Variants in KANSL1 observed in about 807,000 individuals in gnomAD.
KANSL1 encodes MLL1/MLL complex subunit KANSL1.
In KANSL1, 22 loss-of-function variants were observed where a neutral mutation model predicts 103.6. That is an observed-to-expected ratio of 0.21 (90% CI 0.15 to 0.30). The LOEUF is 0.30. Among genes scored for constraint, KANSL1 ranks in the 10% least tolerant of loss-of-function variants. KANSL1 has a pLI of 1.00. For missense variants in KANSL1, 1,337 were observed against 1,399.8 expected (o/e 0.96, Z 0.72); for synonymous variants, 600 against 527.6 (o/e 1.14, Z -1.88).
intron 1 of KANSL1, among the ~76,000 whole-genome samples, chr17:46,208,376 T>A (rs577066554): frequency 6.6e-6 from 1 of 151,592 alleles, no homozygotes. Flanking sequence ...CTTTGGAAGG[T>A]CAAGGCCACA....
intron 2 of KANSL1, among the ~76,000 whole-genome samples, chr17:46,105,825 T>A (rs918079806): frequency 3.3e-5 from 5 of 150,862 alleles, no homozygotes; most frequent in African/African-American, 9.8e-5. Flanking sequence ...GAGTCGAGAC[T>A]GCGCCACTGT....
At chr17:46,059,667 A>AGAGAGAGAG (rs1460792950) in intron 6 of KANSL1, among the ~76,000 whole-genome samples, 2 of 97,126 alleles carry the variant, frequency 2.1e-5, no homozygotes, top group Non-Finnish European at 2.1e-5. Flanking sequence ...GAGAGAGAGA[A>AGAGAGAGAG]AAGGAAACTG....
chr17:46,164,578 C>A (rs1338896385), intron 2 of KANSL1, among the ~76,000 whole-genome samples: 2 of 152,206 alleles, frequency 1.3e-5, no homozygotes, highest in African/African-American at 2.4e-5. Context: ...CTTTAATGGA[C>A]TATGAAAAGT....
intron 2 of KANSL1, among the ~76,000 whole-genome samples, chr17:46,132,358 T>C (rs537503149): frequency 1.5e-4 from 23 of 152,344 alleles, no homozygotes; most frequent in African/African-American, 1.9e-4. Context: ...GCCTGGCACA[T>C]AGTCTCAAAT....
intron 2 of KANSL1, among the ~76,000 whole-genome samples, chr17:46,145,330 T>A (rs922523344): frequency 6.6e-6 from 1 of 152,256 alleles, no homozygotes; most frequent in Non-Finnish European, 1.5e-5. Context: ...GCCCTTTCTA[T>A]TTCATAAGCT....
intron 1 of KANSL1, among the ~76,000 whole-genome samples, chr17:46,208,021 G>C (rs2048030168): frequency 6.6e-6 from 1 of 151,800 alleles, no homozygotes; most frequent in East Asian, 1.9e-4. Context: ...TGAGGCAGGA[G>C]AATCACTTGA....
At chr17:46,162,719 G>A (rs890559828) in intron 2 of KANSL1, among the ~76,000 whole-genome samples, 10 of 152,162 alleles carry the variant, frequency 6.6e-5, no homozygotes, top group African/African-American at 2.2e-4. Context: ...CCACACAAGC[G>A]GGGTCTGAAA....
chr17:46,090,860 CACATACAATTATGT>C (rs2079356401), intron 3 of KANSL1, among the ~76,000 whole-genome samples: 1 of 152,144 alleles, frequency 6.6e-6, no homozygotes, highest in Non-Finnish European at 1.5e-5. Context: ...AGAAGTATAC[CACATACAATTATGT>C]ACACTAAGAA....
Position 46,087,481 on chromosome 17 carries a change from C to T in KANSL1, c.1432-4939G>A, listed in dbSNP as rs1430974788. Among the ~76,000 whole-genome samples, 9 of 152,132 alleles carry T rather than the reference C, an allele frequency of 5.9e-5. No homozygotes were observed. The East Asian group carries it at 9.6e-4, about 16-fold the overall frequency. ...GGTAGCATCTATTGAGTGGCTACCA[C>T]GTGCAAGGTAGTGTGAAAACACAGT... On this transcript the variant is annotated intron_variant, in intron 3 of 14. Transcript: ENST00000432791.
intron 1 of KANSL1, among the ~76,000 whole-genome samples, chr17:46,199,899 A>C (rs2532229): frequency 0.14 from 21,952 of 152,224 alleles, 2,137 homozygotes; most frequent in Non-Finnish European, 0.22. Context: ...GCCATCAGCT[A>C]TTGTTAAAAT....
chr17:46,137,138 G>A (rs1000640936), intron 2 of KANSL1, among the ~76,000 whole-genome samples: 1 of 152,138 alleles, frequency 6.6e-6, no homozygotes, highest in Non-Finnish European at 1.5e-5. Flanking sequence ...ATCTCTTCCA[G>A]ACTCCTATTC....
At chr17:46,216,327 T>C (rs2048336882) in intron 1 of KANSL1, among the ~76,000 whole-genome samples, 1 of 151,758 alleles carries the variant, frequency 6.6e-6, no homozygotes, top group Non-Finnish European at 1.5e-5. Context: ...AAACCAAGAG[T>C]ATGGGCCAGA....
chr17:46,127,707 C>T (rs1405832585), intron 2 of KANSL1, among the ~76,000 whole-genome samples: 4 of 151,678 alleles, frequency 2.6e-5, no homozygotes, highest in East Asian at 1.9e-4. Flanking sequence ...GAGCCCAGGA[C>T]AGCAAGGGTG....
intron 4 of KANSL1, among the ~76,000 whole-genome samples, chr17:46,082,180 T>C (rs939904708): frequency 1.3e-5 from 2 of 152,128 alleles, no homozygotes; most frequent in African/African-American, 4.8e-5. Context: ...CCAATGATAC[T>C]CCCTAAAGCC....
rs2079184239 is a variant in KANSL1, at chr17:46,086,900, G to A, written c.1432-4358C>T. ...AGAGAGAGAGATACAAGTGGGAGGG[G>A]GTACTACAGGCGCATACCACCACGC... On this transcript the variant is annotated intron_variant, in intron 3 of 14. Coordinates refer to ENST00000432791, the MANE Select transcript of KANSL1 (RefSeq NM_015443.4). 2.0e-5 allele frequency among the ~76,000 whole-genome samples: 3 copies of A among 152,088 alleles called. No homozygotes were observed. The South Asian group carries it at 6.2e-4, about 32-fold the overall frequency.
chr17:46,213,608 C>G (rs1471761574), intron 1 of KANSL1, among the ~76,000 whole-genome samples: 4 of 151,262 alleles, frequency 2.6e-5, no homozygotes, highest in Non-Finnish European at 5.9e-5. Flanking sequence ...GTGCCCGGCC[C>G]AAACGTTTTC....
intron 1 of KANSL1, among the ~76,000 whole-genome samples, chr17:46,172,615 T>C (rs1352663867): frequency 6.6e-6 from 1 of 152,184 alleles, no homozygotes; most frequent in Non-Finnish European, 1.5e-5. Flanking sequence ...TAAGCAATAA[T>C]TAAACAGAAA....
At chr17:46,208,616 C>CAAAAAAAA (rs149187563) in intron 1 of KANSL1, among the ~76,000 whole-genome samples, 1 of 81,218 alleles carries the variant, frequency 1.2e-5, no homozygotes. Flanking sequence ...GACCCTGTCT[C>CAAAAAAAA]AAAAAAAAAA....
upstream of KANSL1, among the ~76,000 whole-genome samples, chr17:46,198,477 A>C (rs2047690649): frequency 6.6e-6 from 1 of 150,628 alleles, no homozygotes; most frequent in Non-Finnish European, 1.5e-5. Context: ...CACACCTGTA[A>C]TTCTAGCACT....
Sources: allele counts gnomAD v4.1 joint callset (sites outside exome capture counted in the v4.1 genomes callset), GRCh38; gene constraint gnomAD v4.1.1; transcripts MANE v1.5; gene names NCBI Gene and HGNC (gene_info 2026-07-23, HGNC 2026-07-21).